COL5A2: variants seen among roughly 807,000 people sequenced by gnomAD.
COL5A2 encodes the protein collagen alpha-2(V) chain.
A neutral mutation model predicts 208.2 loss-of-function variants in COL5A2; 23 were observed. That is an observed-to-expected ratio of 0.11 (90% confidence interval 0.08 to 0.16). The LOEUF is 0.16. COL5A2 is among the 10% of genes least tolerant of loss of function. COL5A2 has a pLI of 1.00. For synonymous variants in COL5A2, 625 were observed against 628.5 expected, an observed-to-expected ratio of 0.99 and a Z score of 0.08; for missense variants, 1,590 against 1,956.4, an observed-to-expected ratio of 0.81 and a Z score of 3.53.
chr2:189,159,893 A>C (rs1285756073), intron 1 of COL5A2, among the ~76,000 whole-genome samples: 1 of 151,792 alleles, frequency 6.6e-6, no homozygotes, highest in East Asian at 1.9e-4. Flanking sequence ...AAATAATAAT[A>C]ATAATAATTA....
At chr2:189,224,205 A>AT (rs753934914) in intron 1 of COL5A2, among the ~76,000 whole-genome samples, 2 of 152,096 alleles carry the variant, frequency 1.3e-5, no homozygotes, top group Non-Finnish European at 2.9e-5. Flanking sequence ...AGCAAAATGT[A>AT]TGTCAAAAAT....
chr2:189,280,558 C>G, the COL5A2 span, among the ~76,000 whole-genome samples: 2 of 152,062 alleles, frequency 1.3e-5, no homozygotes, highest in Non-Finnish European at 2.9e-5. Context: ...AAGAACAAAG[C>G]AGGAGACCTA....
At chr2:189,198,725 A>G (rs1280149892) in intron 1 of COL5A2, among the ~76,000 whole-genome samples, 5 of 59,786 alleles carry the variant, frequency 8.4e-5, no homozygotes, top group African/African-American at 1.6e-4. Flanking sequence ...CTGCCCCTGT[A>G]AAACATATAT....
intron 1 of COL5A2, among the ~76,000 whole-genome samples, chr2:189,138,762 C>A (rs13020999): frequency 0.77 from 117,467 of 152,156 alleles, 48,746 homozygotes; most frequent in Non-Finnish European, 0.91. Context: ...ATCAAAGGGA[C>A]ACAGAATACA....
chr2:189,353,007 G>A, the COL5A2 span, among the ~76,000 whole-genome samples: 1 of 152,186 alleles, frequency 6.6e-6, no homozygotes, highest in East Asian at 1.9e-4. Flanking sequence ...TCTGGCATAT[G>A]GCTAGCCAGT....
chr2:189,378,692 C>G, the COL5A2 span, among the ~76,000 whole-genome samples: 8 of 148,448 alleles, frequency 5.4e-5, no homozygotes, highest in Non-Finnish European at 1.0e-4. Flanking sequence ...CCACTGCACT[C>G]TAGCCTGGGC....
At chr2:189,097,785 G>A (rs1221886945) in intron 5 of COL5A2, 2 of 423,810 alleles carry the variant, frequency 4.7e-6, no homozygotes, top group East Asian at 7.0e-5. Context: ...ACCCCAAAAT[G>A]TTCATCACTG....
the COL5A2 span, among the ~76,000 whole-genome samples, chr2:189,358,473 A>G: frequency 6.6e-6 from 1 of 152,182 alleles, no homozygotes; most frequent in African/African-American, 2.4e-5. Context: ...TTGGGTTGCT[A>G]TAGCCTTGTA....
chr2:189,186,679 T>A (rs926232690), intron 1 of COL5A2, among the ~76,000 whole-genome samples: 5 of 152,326 alleles, frequency 3.3e-5, no homozygotes, highest in Non-Finnish European at 7.4e-5. Flanking sequence ...TTTCTTAGCT[T>A]AAGCTCCATC....
chr2:189,139,923 A>G (rs1477651902), intron 1 of COL5A2, among the ~76,000 whole-genome samples: 1 of 152,078 alleles, frequency 6.6e-6, no homozygotes, highest in Non-Finnish European at 1.5e-5. Flanking sequence ...AAATACAAAA[A>G]TTAGCTGGGC....
chr2:189,405,605 G>A, the COL5A2 span, among the ~76,000 whole-genome samples: 31 of 152,116 alleles, frequency 2.0e-4, no homozygotes, highest in Non-Finnish European at 3.1e-4. Flanking sequence ...ACTATTTTGC[G>A]TATTGGCCAC....
chr2:189,128,136 T>A (rs1438716494), intron 1 of COL5A2, among the ~76,000 whole-genome samples: 1 of 152,052 alleles, frequency 6.6e-6, no homozygotes, highest in African/African-American at 2.4e-5. Context: ...CACCTGTATT[T>A]AATGGAATCA....
the COL5A2 span, among the ~76,000 whole-genome samples, chr2:189,427,241 C>T: frequency 6.6e-6 from 1 of 152,234 alleles, no homozygotes; most frequent in Non-Finnish European, 1.5e-5. Context: ...CTCAGGTACA[C>T]CTCAGGCTAT....
rs1374549082 is a variant in COL5A2, at chr2:189,152,049, C to A, written c.97+27459G>T. On this transcript the variant is annotated intron_variant, in intron 1 of 53. Coordinates refer to ENST00000374866, the MANE Select transcript of COL5A2 (RefSeq NM_000393.5). Reference sequence around the variant, plus strand: ...TCAAATAATTACAATGCAATATGAACAGAATTCTTCAAAATCTCAGAGGAG... The same window carrying A: ...TCAAATAATTACAATGCAATATGAAAAGAATTCTTCAAAATCTCAGAGGAG... Among the ~76,000 whole-genome samples, 3 of 151,832 alleles carry A rather than the reference C, an allele frequency of 2.0e-5. No homozygotes were observed. The East Asian group carries it at 5.8e-4, about 29-fold the overall frequency.
At chr2:189,046,827 A>T (rs1270903940) in intron 45 of COL5A2, among the ~76,000 whole-genome samples, 1 of 152,108 alleles carries the variant, frequency 6.6e-6, no homozygotes, top group African/African-American at 2.4e-5. Flanking sequence ...AAAAAAAAAA[A>T]AAATACTTGC....
At chr2:189,186,953 T>C (rs978918559) in intron 1 of COL5A2, among the ~76,000 whole-genome samples, 2 of 152,234 alleles carry the variant, frequency 1.3e-5, no homozygotes, top group Non-Finnish European at 2.9e-5. Flanking sequence ...GAATTTTCAT[T>C]TTAATCTGAA....
rs1553512886 is a variant in COL5A2, at chr2:189,039,308, C to T, written c.3889G>A (p.Asp1297Asn). 3.1e-6 allele frequency: 5 copies of T among 1,613,970 alleles called. No individual in the cohort carries two copies. Among genetic ancestry groups the T allele is most frequent in the Non-Finnish European group, 4.2e-6 (5 of 1,180,012 alleles). Residue 1297 changes from aspartate to asparagine, a missense_variant, in exon 51 of 54, where the codon GAT (aspartate) becomes AAT (asparagine). Coordinates refer to ENST00000374866, the MANE Select transcript of COL5A2 (RefSeq NM_000393.5). ...GCGGAATGGCAAAGCTTTAGGTCATCACACGTGCGGGCTGGGTGCTTTTTC... is the reference window on the plus strand; with the variant it reads ...GCGGAATGGCAAAGCTTTAGGTCATTACACGTGCGGGCTGGGTGCTTTTTC... ...GSKKHPARTCDDLKLCHSAKQ... is the reference protein window; with the variant it reads ...GSKKHPARTCNDLKLCHSAKQ...
At chr2:189,036,008 T>C (rs1201328204) in intron 52 of COL5A2, among the ~76,000 whole-genome samples, 5 of 152,142 alleles carry the variant, frequency 3.3e-5, no homozygotes, top group Non-Finnish European at 7.4e-5. Flanking sequence ...GCCTTAAGTT[T>C]AAATAATATT....
At chr2:189,103,789 A>C (rs1377667933) in intron 3 of COL5A2, among the ~76,000 whole-genome samples, 1 of 151,980 alleles carries the variant, frequency 6.6e-6, no homozygotes, top group Non-Finnish European at 1.5e-5. Context: ...TTAATTCTGG[A>C]TCTTTACTTC....
Sources: gnomAD v4.1 joint callset for allele counts (sites outside exome capture counted in the v4.1 genomes callset) on GRCh38, gnomAD v4.1.1 for gene constraint, MANE v1.5 for transcripts, NCBI Gene and HGNC (gene_info 2026-07-23, HGNC 2026-07-21) for gene names.